Variants in AVPR1A observed in about 807,000 individuals in gnomAD.
AVPR1A encodes the protein arginine vasopressin receptor 1A.
A neutral mutation model predicts 31.5 loss-of-function variants in AVPR1A; 31 were observed. The observed-to-expected ratio is 0.99, with a 90% CI of 0.74 to 1.33. The LOEUF (loss-of-function observed/expected upper bound fraction) is 1.33, where lower values mean the gene tolerates loss of function less well. AVPR1A is among the 40% of genes most tolerant of loss of function. AVPR1A has a pLI of 0.00. For missense variants in AVPR1A, 570 were observed against 575.2 expected (o/e 0.99, Z 0.09); for synonymous variants, 243 against 233.2 (o/e 1.04, Z -0.38).
chr12:63,150,748 C>T lies in AVPR1A; in HGVS notation c.89G>A (p.Arg30Gln), dbSNP rs569407663. The T allele has an allele frequency of 6.2e-7, 1 of 1,600,858 alleles. No homozygotes were observed. The highest frequency in any genetic ancestry group is 8.5e-7 in the Non-Finnish European group (1 of 1,179,640). ...PLATGAGNTS[R>Q]EAEALGEGNG... ...GCCCTCCCCGAGGGCTTCGGCCTCCCGGCTTGTGTTGCCAGCGCCGGTGGC... is the reference window on the plus strand; with the variant it reads ...GCCCTCCCCGAGGGCTTCGGCCTCCTGGCTTGTGTTGCCAGCGCCGGTGGC... Residue 30 changes from arginine (R) to glutamine (Q), a missense_variant, in exon 1 of 2, where the codon CGG becomes CAG. Arg to Gln is a conservative substitution (Grantham distance 43). Transcript: ENST00000299178. This position sits in a 1 kb window ranked among gnomAD's most constrained non-coding sequence, Gnocchi z 4.9.
intron 1 of AVPR1A, 71 bp downstream of exon 1, chr12:63,149,796 T>TCA (rs1187608287): frequency 2.8e-4 from 307 of 1,108,470 alleles, no homozygotes; most frequent in Middle Eastern, 1.8e-3. Flanking sequence ...TCTCTCTCTC[T>TCA]CTCACACACA....
At position 63,150,913 on chromosome 12, in the gene AVPR1A, C is replaced by A. The variant is rs1868471861; in HGVS notation, c.-77G>T. On this transcript the variant is annotated 5_prime_UTR_variant, in exon 1 of 2. Coordinates refer to ENST00000299178, the MANE Select transcript of AVPR1A (RefSeq NM_000706.5). The surrounding 1 kb of genome is among the most constrained non-coding windows in gnomAD (Gnocchi z 4.9). ...GCCGCTCCCTCCCCGTCTCGGAGGA[C>A]TTGGGCTCCTCGTCCGAAGCGCAGG... is the stretch of plus-strand genomic sequence containing the variant. The A allele has an allele frequency of 4.2e-6, 6 of 1,440,558 alleles. No individual in the cohort carries two copies. The highest frequency in any genetic ancestry group is 5.7e-5 in the Admixed American group (2 of 35,378). The allele number at this position is 1,440,558 out of a possible 1,614,324, so 89.2% of individuals were successfully genotyped here. A position where few individuals can be genotyped will look rare whatever the true frequency, so the allele number is the denominator to read the frequency against.
At chr12:63,149,790 T>G in intron 1 of AVPR1A, 77 bp downstream of exon 1, 1 of 1,470,590 alleles carries the variant, frequency 6.8e-7, no homozygotes. Context: ...TCTCTCTCTC[T>G]CTCTCTCTCA....
chr12:63,148,025 T>C (rs772131638), intron 1 of AVPR1A, among the ~76,000 whole-genome samples: 19 of 152,288 alleles, frequency 1.2e-4, no homozygotes, highest in Non-Finnish European at 2.4e-4. Flanking sequence ...TTTAAGATAA[T>C]TTTAAATAAC....
At position 63,146,020 on chromosome 12, in the gene AVPR1A, T is replaced by A. The variant is rs1445047307; in HGVS notation, c.*1339A>T. 6.6e-6 allele frequency: 1 copy of A among 152,194 alleles called. No individual in the cohort carries two copies. Among genetic ancestry groups the A allele is most frequent in the African/African-American group, 2.4e-5 (1 of 41,434 alleles). The allele number at this position is 152,194 out of a possible 1,614,324, so 9.4% of individuals were successfully genotyped here. A position where few individuals can be genotyped will look rare whatever the true frequency, so the allele number is the denominator to read the frequency against. The stretch of plus-strand genomic sequence containing the variant: ...TGAACCAATTCTAGTTAATGAAAAA[T>A]AAACTGGAAAACATCTGTGCAATTT... On this transcript the variant is annotated 3_prime_UTR_variant, in exon 2 of 2. Coordinates refer to ENST00000299178, the MANE Select transcript of AVPR1A (RefSeq NM_000706.5).
Position 63,150,472 on chromosome 12 carries a change from C to A in AVPR1A, c.365G>T (p.Trp122Leu). The change falls in exon 1 of 2, where the codon TGG becomes TTG. Residue 122 changes from tryptophan to leucine, a missense_variant. By Grantham distance (61) the Trp-to-Leu change is moderately conservative. Transcript: ENST00000299178. This position sits in a 1 kb window ranked among gnomAD's most constrained non-coding sequence, Gnocchi z 4.9. Reference sequence around the variant, plus strand: ...CAGGTGCTTCACCACGCGGCACAGCCAGTCGGGGCCGCGGAAGCGGTAGGT... The same window carrying A: ...CAGGTGCTTCACCACGCGGCACAGCAAGTCGGGGCCGCGGAAGCGGTAGGT... ...DITYRFRGPD[W>L]LCRVVKHLQV... The A allele has an allele frequency of 6.2e-7, 1 of 1,613,458 alleles. No individual in the cohort carries two copies. Among genetic ancestry groups the A allele is most frequent in the East Asian group, 2.2e-5 (1 of 44,848 alleles).
At position 63,144,766 on chromosome 12, in the gene AVPR1A, G is replaced by A. The variant is rs1868345358; in HGVS notation, c.*2593C>T. 6.6e-6 allele frequency: 1 copy of A among 152,216 alleles called. No homozygotes were observed. Among genetic ancestry groups the A allele is most frequent in the African/African-American group, 2.4e-5 (1 of 41,426 alleles). The allele number at this position is 152,216 out of a possible 1,614,324, so 9.4% of individuals were successfully genotyped here. A position where few individuals can be genotyped will look rare whatever the true frequency, so the allele number is the denominator to read the frequency against. ...CCTAAACCGCAGAGAATAAGACCAT[G>A]TATTTGCCTAGTGCAGAACTAGCAC... On this transcript the variant is annotated 3_prime_UTR_variant, in exon 2 of 2. Transcript: ENST00000299178.
rs1404895075 is a variant in AVPR1A at position 63,145,364 on chromosome 12, C to T, written c.*1995G>A. Reference sequence around the variant, plus strand: ...TTATCGCTTCCGGGTTCTCACAGTGCTATCCAGTTCTCATTTTCTTATCTA... The same window carrying T: ...TTATCGCTTCCGGGTTCTCACAGTGTTATCCAGTTCTCATTTTCTTATCTA... On this transcript the variant is annotated 3_prime_UTR_variant, in exon 2 of 2. Coordinates refer to ENST00000299178, the MANE Select transcript of AVPR1A (RefSeq NM_000706.5). 4.4e-5 allele frequency: 20 copies of T among 455,544 alleles called. No homozygotes were observed. Among genetic ancestry groups the T allele is most frequent in the Non-Finnish European group, 8.4e-5 (19 of 226,734 alleles). 28.2% of individuals were successfully genotyped at this position (455,544 alleles called of 1,614,324 possible). A position where few individuals can be genotyped will look rare whatever the true frequency, so the allele number is the denominator to read the frequency against.
In AVPR1A at chr12:63,150,575, G is replaced by C. The variant is rs764653385; in HGVS notation, c.262C>G (p.Leu88Val). The C allele has an allele frequency of 1.9e-6, 3 of 1,612,428 alleles. No homozygotes were observed. Among genetic ancestry groups the C allele is most frequent in the South Asian group, 2.2e-5 (2 of 91,084 alleles). Residue 88 changes from leucine (L) to valine (V), a missense_variant, in exon 1 of 2, where the codon CTC becomes GTC. Physicochemically the swap from Leu to Val is conservative, Grantham distance 32. Transcript: ENST00000299178. This position sits in a 1 kb window ranked among gnomAD's most constrained non-coding sequence, Gnocchi z 4.9. ...GCCAGGCTGAGGTGTCGGATGAAGA[G>C]GTGCATGCGGGACGTCTTGCGCGGC... ...RTPRKTSRMH[L>V]FIRHLSLADL...
At position 63,142,806 on chromosome 12, in the gene AVPR1A, T is replaced by C. The variant is rs1426201237; in HGVS notation, c.*4553A>G. The stretch of plus-strand genomic sequence containing the variant: ...AGAAACAAGACAACACACAGTAAAA[T>C]TGAGGAAATACAATAGTTTTTTCAA... On this transcript the variant is annotated 3_prime_UTR_variant, in exon 2 of 2. Transcript: ENST00000299178. 1 of 152,082 alleles carries C rather than the reference T, an allele frequency of 6.6e-6. No homozygotes were observed. The highest frequency in any genetic ancestry group is 1.5e-5 in the Non-Finnish European group (1 of 67,966). 9.4% of individuals were successfully genotyped at this position (152,082 alleles called of 1,614,324 possible). A position where few individuals can be genotyped will look rare whatever the true frequency, so the allele number is the denominator to read the frequency against.
chr12:63,150,348 G>C lies in AVPR1A; in HGVS notation c.489C>G (p.Pro163=), dbSNP rs745537191. The change falls in exon 1 of 2, where the codon CCC becomes CCG. Residue 163 remains proline (P), a synonymous_variant. Coordinates refer to ENST00000299178, the MANE Select transcript of AVPR1A (RefSeq NM_000706.5). The surrounding 1 kb of genome is among the most constrained non-coding windows in gnomAD (Gnocchi z 4.9). ...VCHPLKTLQQ[P]ARRSRLMIAA... ...CGATCATGAGGCGCGAGCGGCGCGC[G>C]GGCTGTTGCAGAGTCTTGAGCGGGT... 1.6e-5 allele frequency: 26 copies of C among 1,613,768 alleles called. No homozygotes were observed. The African/African-American group carries it at 2.9e-4, about 18-fold the overall frequency.
chr12:63,150,630 G>C lies in AVPR1A; in HGVS notation c.207C>G (p.Asn69Lys), dbSNP rs1319185886. The change falls in exon 1 of 2, where the codon AAC (asparagine) becomes AAG (lysine). Residue 69 changes from asparagine to lysine, a missense_variant. Coordinates refer to ENST00000299178, the MANE Select transcript of AVPR1A (RefSeq NM_000706.5). The surrounding 1 kb of genome is among the most constrained non-coding windows in gnomAD (Gnocchi z 4.9). ...GGTGCAGAGCCAGCAGTACGCTGCT[G>C]TTGCCCAGCACGGCCACCGCGAAAG... ...AVTFAVAVLG[N>K]SSVLLALHRT... The C allele has an allele frequency of 1.9e-6, 3 of 1,609,530 alleles. No individual in the cohort carries two copies. Among genetic ancestry groups the C allele is most frequent in the African/African-American group, 2.7e-5 (2 of 74,946 alleles).
rs1204714362 is a variant in AVPR1A at position 63,150,376 on chromosome 12, C to T, written c.461G>A (p.Cys154Tyr). The T allele has an allele frequency of 9.3e-6, 15 of 1,613,872 alleles. No homozygotes were observed. Among genetic ancestry groups the T allele is most frequent in the Non-Finnish European group, 1.3e-5 (15 of 1,179,990 alleles). The change falls in exon 1 of 2, where the codon TGC (cysteine) becomes TAC (tyrosine). Residue 154 changes from cysteine (C) to tyrosine (Y), a missense_variant. By Grantham distance (194) the Cys-to-Tyr change is radical (BLOSUM62 -2). Transcript: ENST00000299178. The surrounding 1 kb of genome is among the most constrained non-coding windows in gnomAD (Gnocchi z 4.9). ...VMTADRYIAV[C>Y]HPLKTLQQPA... is the part of the protein sequence containing the mutation. ...CTGTTGCAGAGTCTTGAGCGGGTGG[C>T]ACACCGCGATGTAGCGGTCGGCTGT...
chr12:63,147,903 T>G (rs1361827630), intron 1 of AVPR1A, among the ~76,000 whole-genome samples: 1 of 152,220 alleles, frequency 6.6e-6, no homozygotes, highest in East Asian at 1.9e-4. Context: ...GTGGGAATTT[T>G]ACGAGGTTAA....
At position 63,150,958 on chromosome 12, in the gene AVPR1A, C is replaced by T. The variant is rs1264288888; in HGVS notation, c.-122G>A. ...CGCAGGGTCTTTGGCGCGCTCGCAG[C>T]TTGCCGGGCTCTGCGATCCCTCCAG... is the stretch of plus-strand genomic sequence containing the variant. On this transcript the variant is annotated 5_prime_UTR_variant, in exon 1 of 2. Transcript: ENST00000299178. This position sits in a 1 kb window ranked among gnomAD's most constrained non-coding sequence, Gnocchi z 4.9. 7.2e-7 allele frequency: 1 copy of T among 1,387,162 alleles called. No homozygotes were observed. Among genetic ancestry groups the T allele is most frequent in the African/African-American group, 1.5e-5 (1 of 68,644 alleles). The allele number at this position is 1,387,162 out of a possible 1,614,324, so 85.9% of individuals were successfully genotyped here. A position where few individuals can be genotyped will look rare whatever the true frequency, so the allele number is the denominator to read the frequency against.
Position 63,149,656 on chromosome 12 carries a change from C to CT in AVPR1A, c.970+210dup, listed in dbSNP as rs60306126. 3.9e-3 allele frequency among the ~76,000 whole-genome samples: 557 copies of CT among 143,494 alleles called. 3 individuals are homozygous for CT. Among genetic ancestry groups the CT allele is most frequent in the South Asian group, 7.7e-3 (35 of 4,542 alleles). The allele number at this position is 143,494 out of a possible 152,430, so 94.1% of individuals were successfully genotyped here. ...TCTGCATGGGGAATCCAGGAATATG[C>CT]TTTTTTTTTTTTTAAACAGTGTTCC... On this transcript the variant is annotated intron_variant, in intron 1 of 1. Coordinates refer to ENST00000299178, the MANE Select transcript of AVPR1A (RefSeq NM_000706.5).
rs918328362 is a variant in AVPR1A at position 63,150,678 on chromosome 12, C to T, written c.159G>A (p.Leu53=). 6.2e-7 allele frequency: 1 copy of T among 1,608,370 alleles called. No individual in the cohort carries two copies. The highest frequency in any genetic ancestry group is 8.5e-7 in the Non-Finnish European group (1 of 1,179,858). ...RDVRNEELAK[L]EIAVLAVTFA... ...AAGTCACCGCCAGCACGGCGATCTC[C>T]AGTTTGGCCAGCTCCTCGTTGCGCA... Residue 53 remains leucine (L), a synonymous_variant, in exon 1 of 2, where the codon CTG becomes CTA. Coordinates refer to ENST00000299178, the MANE Select transcript of AVPR1A (RefSeq NM_000706.5). This position sits in a 1 kb window ranked among gnomAD's most constrained non-coding sequence, Gnocchi z 4.9.
Position 63,150,791 on chromosome 12 carries a change from T to C in AVPR1A, c.46A>G (p.Ser16Gly), listed in dbSNP as rs1436117307. Reference protein sequence around the residue: ...GPDAGPSGNSSPWWPLATGAG... With the variant: ...GPDAGPSGNSGPWWPLATGAG... ...CCGGTGGCCAGAGGCCACCATGGGC[T>C]GGAGTTGCCCGAGGGCCCCGCGTCG... Residue 16 changes from serine (S) to glycine (G), a missense_variant, in exon 1 of 2, where the codon AGC becomes GGC. Ser to Gly is a moderately conservative substitution (Grantham distance 56). Coordinates refer to ENST00000299178, the MANE Select transcript of AVPR1A (RefSeq NM_000706.5). This position sits in a 1 kb window ranked among gnomAD's most constrained non-coding sequence, Gnocchi z 4.9. 1.3e-6 allele frequency: 2 copies of C among 1,595,228 alleles called. No homozygotes were observed. The highest frequency in any genetic ancestry group is 2.7e-5 in the African/African-American group (2 of 74,784).
chr12:63,147,988 A>G (rs1334344373), intron 1 of AVPR1A, among the ~76,000 whole-genome samples: 4 of 152,238 alleles, frequency 2.6e-5, no homozygotes, highest in African/African-American at 9.6e-5. Flanking sequence ...CACAGCAGTT[A>G]CAGAATGGCT....
Sources: gnomAD v4.1 joint callset for allele counts (sites outside exome capture counted in the v4.1 genomes callset) on GRCh38, gnomAD v4.1.1 for gene constraint, Gnocchi (gnomAD v3.1) non-coding constraint, MANE v1.5 for transcripts, NCBI Gene and HGNC (gene_info 2026-07-23, HGNC 2026-07-21) for gene names.